Variants in NTNG1 observed in about 807,000 individuals in gnomAD.
NTNG1 encodes netrin G1, also known as netrin-G1.
In NTNG1, 16 loss-of-function variants were observed where a neutral mutation model predicts 54.0. The observed-to-expected ratio is 0.30, with a 90% confidence interval of 0.20 to 0.45. The LOEUF (loss-of-function observed/expected upper bound fraction) is 0.45. Ranked by LOEUF, NTNG1 falls within the 20% of genes least tolerant of loss-of-function variation. The probability of loss-of-function intolerance (pLI) is 1.00; values close to 1 mark genes in which losing one functional copy is unlikely to be tolerated. For synonymous variants in NTNG1, 255 were observed against 263.1 expected (o/e 0.97, Z 0.30); for missense variants, 530 against 678.7 (o/e 0.78, Z 2.43).
intron 1 of NTNG1, 175 bp downstream of exon 1, chr1:107,141,315 G>A (rs1210133971): frequency 6.6e-6 from 1 of 150,418 alleles, no homozygotes; most frequent in Non-Finnish European, 1.5e-5. Flanking sequence ...AGGCTCCGCG[G>A]GAGCTGCCGC....
chr1:107,480,850 C>T lies in NTNG1; in HGVS notation c.*10C>T, dbSNP rs1678663690. 6.5e-7 allele frequency: 1 copy of T among 1,546,708 alleles called. No individual in the cohort carries two copies. Among genetic ancestry groups the T allele is most frequent in the Non-Finnish European group, 8.7e-7 (1 of 1,143,156 alleles). The stretch of plus-strand genomic sequence containing the variant: ...CCCCCTGGTGTTCTAGGTGTCACCT[C>T]CAGCCACACCGGACGGGCCTGTGCC... On this transcript the variant is annotated 3_prime_UTR_variant, in exon 8 of 8. Transcript: ENST00000370068.
intron 2 of NTNG1, among the ~76,000 whole-genome samples, chr1:107,294,315 C>T (rs1370956419): frequency 1.3e-5 from 2 of 152,122 alleles, no homozygotes; most frequent in Non-Finnish European, 1.5e-5. Flanking sequence ...TTTGAGAATC[C>T]CTAGGCTACA....
At chr1:107,453,870 G>A (rs1369812875) in intron 7 of NTNG1, among the ~76,000 whole-genome samples, 1 of 152,008 alleles carries the variant, frequency 6.6e-6, no homozygotes, top group Non-Finnish European at 1.5e-5. Context: ...TTAGAGATGA[G>A]GAAACTGAGT....
At chr1:107,261,711 C>T (rs552765213) in intron 2 of NTNG1, among the ~76,000 whole-genome samples, 81 of 152,150 alleles carry the variant, frequency 5.3e-4, no homozygotes, top group East Asian at 7.8e-4. Flanking sequence ...GGCGTGGTGG[C>T]GGGTGCCTGT....
intron 2 of NTNG1, among the ~76,000 whole-genome samples, chr1:107,179,421 G>A (rs768734761): frequency 2.6e-5 from 4 of 151,874 alleles, no homozygotes; most frequent in Non-Finnish European, 4.4e-5. Flanking sequence ...TAAAACACCT[G>A]TGTCATTGTT....
At chr1:107,178,462 C>A (rs1656815433) in intron 2 of NTNG1, among the ~76,000 whole-genome samples, 1 of 151,962 alleles carries the variant, frequency 6.6e-6, no homozygotes, top group African/African-American at 2.4e-5. Flanking sequence ...CCCAACCCAC[C>A]ACCTGGGTTT....
At chr1:107,351,935 G>A (rs772904749) in intron 3 of NTNG1, among the ~76,000 whole-genome samples, 2 of 152,220 alleles carry the variant, frequency 1.3e-5, no homozygotes, top group Non-Finnish European at 2.9e-5. Flanking sequence ...CAGGCCCCGT[G>A]CAAGTCCAAA....
At chr1:107,281,058 G>A (rs75543070) in intron 2 of NTNG1, among the ~76,000 whole-genome samples, 1,872 of 152,070 alleles carry the variant, frequency 0.012, 35 homozygotes, top group African/African-American at 0.043. Flanking sequence ...AGAGCCTGCA[G>A]CCTTTCAGGT....
At chr1:107,438,244 T>C (rs114280245) in intron 7 of NTNG1, among the ~76,000 whole-genome samples, 2,309 of 152,096 alleles carry the variant, frequency 0.015, 63 homozygotes, top group African/African-American at 0.052. Flanking sequence ...CAGGCCAAGG[T>C]TAGAATGGAA....
chr1:107,311,080 GT>G lies in NTNG1; in HGVS notation c.247-13198del, dbSNP rs573527121. 4.6e-5 allele frequency among the ~76,000 whole-genome samples: 7 copies of G among 152,182 alleles called. No homozygotes were observed. The South Asian group carries it at 1.4e-3, about 32-fold the overall frequency. On this transcript the variant is annotated intron_variant, in intron 2 of 7. Coordinates refer to ENST00000370068, the MANE Select transcript of NTNG1 (RefSeq NM_001113226.3). ...TATCCCTCTTCTCCAGCACAATAAA[GT>G]TTTGTTCCTTGTTCTACACCTATTT...
At position 107,474,324 on chromosome 1, in the gene NTNG1, C is replaced by G. The variant is rs527897635; in HGVS notation, c.1391-6287C>G. Among the ~76,000 whole-genome samples, 5 of 152,090 alleles carry G rather than the reference C, an allele frequency of 3.3e-5. No individual in the cohort carries two copies. The South Asian group carries it at 1.0e-3, about 32-fold the overall frequency. On this transcript the variant is annotated intron_variant, in intron 7 of 7. Transcript: ENST00000370068. ...GAGGTAAACCCACAGAGCAGGGCACCAAGTAAAAAGTGTGATCACTGAAAG... is the reference window on the plus strand; with the variant it reads ...GAGGTAAACCCACAGAGCAGGGCACGAAGTAAAAAGTGTGATCACTGAAAG...
At position 107,195,185 on chromosome 1, in the gene NTNG1, C is replaced by A. The variant is rs116888036; in HGVS notation, c.246+46346C>A. 3.9e-5 allele frequency among the ~76,000 whole-genome samples: 6 copies of A among 152,098 alleles called. No homozygotes were observed. In the East Asian group the frequency reaches 1.2e-3, roughly 30 times the overall value. On this transcript the variant is annotated intron_variant, in intron 2 of 7. Transcript: ENST00000370068. ...TTTTCTATGTTAAGCTTCACTTAAG[C>A]TTTCTGAACCTCAGTTTCTTGATCT...
chr1:107,142,930 A>G (rs1321871509), intron 1 of NTNG1: 1 of 152,208 alleles, frequency 6.6e-6, no homozygotes, highest in Admixed American at 6.5e-5. Context: ...AAAGCAGCTC[A>G]GTAACTGTCC....
intron 2 of NTNG1, among the ~76,000 whole-genome samples, chr1:107,207,672 T>A (rs1438390961): frequency 1.3e-5 from 2 of 152,196 alleles, no homozygotes; most frequent in Non-Finnish European, 2.9e-5. Context: ...ACTTTTCACC[T>A]ATTGAAGATG....
intron 3 of NTNG1, among the ~76,000 whole-genome samples, chr1:107,350,096 A>G (rs1557922326): frequency 6.6e-6 from 1 of 152,130 alleles, no homozygotes; most frequent in Non-Finnish European, 1.5e-5. Flanking sequence ...TTTCAGCCTC[A>G]TGAATGTAAT....
chr1:107,294,247 A>G (rs1016981044), intron 2 of NTNG1, among the ~76,000 whole-genome samples: 6 of 152,170 alleles, frequency 3.9e-5, no homozygotes, highest in African/African-American at 1.4e-4. Flanking sequence ...CTGAGGTGAG[A>G]TATAAGTGCT....
At chr1:107,430,689 T>C (rs769234380) in intron 5 of NTNG1, 61 bp from the exon 6 acceptor site, 2 of 1,514,946 alleles carry the variant, frequency 1.3e-6, no homozygotes, top group Non-Finnish European at 9.2e-7. Context: ...CCCAAGCATG[T>C]AGTATGCTAT....
intron 2 of NTNG1, among the ~76,000 whole-genome samples, chr1:107,297,230 T>TATACCATC (rs1666024368): frequency 2.8e-5 from 1 of 35,446 alleles, no homozygotes; most frequent in Non-Finnish European, 6.5e-5. Context: ...TATATATATA[T>TATACCATC]ATATATATAT....
chr1:107,363,111 G>T (rs1670391011), intron 3 of NTNG1, among the ~76,000 whole-genome samples: 3 of 152,154 alleles, frequency 2.0e-5, no homozygotes, highest in Non-Finnish European at 2.9e-5. Context: ...AGAATTACAG[G>T]CAGGTTTTTT....
Sources: gnomAD v4.1 joint callset for allele counts (sites outside exome capture counted in the v4.1 genomes callset) on GRCh38, gnomAD v4.1.1 for gene constraint, MANE v1.5 for transcripts, NCBI Gene and HGNC (gene_info 2026-07-23, HGNC 2026-07-21) for gene names.